The following MCTP2 variants were observed in gnomAD, a reference collection of about 807,000 sequenced individuals.
The protein encoded by MCTP2 is multiple C2 and transmembrane domain-containing protein 2.
A neutral mutation model predicts 111.6 loss-of-function variants in MCTP2; 132 were observed. That is an observed-to-expected ratio of 1.18 (90% CI 1.03 to 1.37). MCTP2 has a LOEUF of 1.37. Among genes scored for constraint, MCTP2 ranks in the 40% most tolerant of loss-of-function variants. MCTP2 has a pLI of 0.00. For synonymous variants in MCTP2, 395 were observed against 387.7 expected (o/e 1.02, Z -0.22); for missense variants, 1,183 against 1,067.9 (o/e 1.11, Z -1.50).
intron 4 of MCTP2, among the ~76,000 whole-genome samples, chr15:94,333,357 A>G (rs2077214151): frequency 6.6e-6 from 1 of 152,216 alleles, no homozygotes; most frequent in Non-Finnish European, 1.5e-5. Context: ...AATTTGAAGT[A>G]CATATCAGCT....
chr15:94,443,505 C>T (rs1030917160), intron 19 of MCTP2, among the ~76,000 whole-genome samples: 7 of 152,126 alleles, frequency 4.6e-5, no homozygotes, highest in African/African-American at 1.7e-4. Flanking sequence ...AGTGAAATGC[C>T]AAATGAGATG....
chr15:94,293,060 TTAAA>T (rs1265879238), intron 1 of MCTP2: 9 of 152,166 alleles, frequency 5.9e-5, no homozygotes, highest in East Asian at 3.9e-4. Context: ...TATACAAAAG[TTAAA>T]TAAATTATAA....
intron 1 of MCTP2, among the ~76,000 whole-genome samples, chr15:94,244,066 G>A (rs2071447445): frequency 6.9e-6 from 1 of 145,294 alleles, no homozygotes; most frequent in South Asian, 2.2e-4. Flanking sequence ...ACATACATAT[G>A]TGTATATATT....
At chr15:94,244,242 G>C (rs1328639561) in intron 1 of MCTP2, among the ~76,000 whole-genome samples, 2 of 102,098 alleles carry the variant, frequency 2.0e-5, no homozygotes, top group Admixed American at 8.8e-5. Context: ...ATATACACGT[G>C]TATACACATA....
intron 1 of MCTP2, among the ~76,000 whole-genome samples, chr15:94,275,573 A>G (rs2074147012): frequency 1.3e-5 from 2 of 151,398 alleles, no homozygotes; most frequent in South Asian, 2.1e-4. Flanking sequence ...TTTCTATTGC[A>G]TCATCTATTT....
intron 4 of MCTP2, among the ~76,000 whole-genome samples, chr15:94,327,413 T>C (rs2076932541): frequency 6.6e-6 from 1 of 152,260 alleles, no homozygotes; most frequent in Non-Finnish European, 1.5e-5. Flanking sequence ...ACAATTTCTC[T>C]TTGATTCCTA....
chr15:94,340,185 T>C lies in MCTP2; in HGVS notation c.781-14T>C. The C allele has an allele frequency of 6.3e-7, 1 of 1,591,690 alleles. No homozygotes were observed. Among genetic ancestry groups the C allele is most frequent in the Non-Finnish European group, 8.6e-7 (1 of 1,160,614 alleles). ...CCATAATAATGTGTTAATTGACCTC[T>C]GTCCTCTTTGTAGGTATATGATCGA... is the stretch of plus-strand genomic sequence containing the variant. On this transcript the variant is annotated splice_polypyrimidine_tract_variant and intron_variant, in intron 5 of 22. Coordinates refer to ENST00000357742, the MANE Select transcript of MCTP2 (RefSeq NM_001385001.1).
intron 17 of MCTP2, among the ~76,000 whole-genome samples, chr15:94,432,976 G>C (rs1434071045): frequency 1.3e-5 from 2 of 152,176 alleles, no homozygotes; most frequent in Admixed American, 1.3e-4. Context: ...ATTGGTTACA[G>C]ATCACTTCAT....
intron 4 of MCTP2, among the ~76,000 whole-genome samples, chr15:94,330,512 A>AT (rs71469323): frequency 0.026 from 3,971 of 150,840 alleles, 148 homozygotes; most frequent in African/African-American, 0.091. Flanking sequence ...CTCCTTTCTT[A>AT]TTTTTTTTTC....
At chr15:94,478,532 T>A (rs572463743) in intron 22 of MCTP2, among the ~76,000 whole-genome samples, 6 of 152,348 alleles carry the variant, frequency 3.9e-5, no homozygotes, top group African/African-American at 1.2e-4. Flanking sequence ...TTTTTTCCTC[T>A]CAGGCAAAGT....
chr15:94,423,821 A>G (rs2152495765), intron 17 of MCTP2, among the ~76,000 whole-genome samples: 1 of 152,352 alleles, frequency 6.6e-6, no homozygotes, highest in South Asian at 2.1e-4. Flanking sequence ...TGTAAGGGAA[A>G]GCAAATGTAA....
intron 14 of MCTP2, among the ~76,000 whole-genome samples, chr15:94,392,493 A>ATATATATTATG (rs1249032751): frequency 6.6e-6 from 1 of 152,042 alleles, no homozygotes; most frequent in Non-Finnish European, 1.5e-5. Flanking sequence ...TTGTCAAATG[A>ATATATATTATG]TATATATTAT....
At chr15:94,416,576 A>T (rs146738923) in intron 17 of MCTP2, among the ~76,000 whole-genome samples, 4 of 152,278 alleles carry the variant, frequency 2.6e-5, no homozygotes, top group African/African-American at 9.6e-5. Context: ...AAAATTAAAA[A>T]TTCAAACAAA....
intron 4 of MCTP2, among the ~76,000 whole-genome samples, chr15:94,329,472 A>C (rs558207108): frequency 1.3e-5 from 2 of 152,296 alleles, no homozygotes; most frequent in East Asian, 3.9e-4. Flanking sequence ...TGAGGAGCTT[A>C]GAATCATGGC....
At position 94,398,860 on chromosome 15, in the gene MCTP2, C is replaced by T. The variant is rs2081409232; in HGVS notation, c.1789-101C>T. The T allele has an allele frequency of 3.1e-6, 2 of 653,328 alleles. 1 individual carries two copies. Among genetic ancestry groups the T allele is most frequent in the Admixed American group, 5.0e-5 (2 of 39,934 alleles). 40.5% of individuals were successfully genotyped at this position (653,328 alleles called of 1,614,324 possible). A position where few individuals can be genotyped will look rare whatever the true frequency, so the allele number is the denominator to read the frequency against. ...CTTTAATGTTTGCTTCACCTGTGAT[C>T]ATTGTGCATCCCCAATTTTGCCAAA... On this transcript the variant is annotated intron_variant, in intron 14 of 22. Coordinates refer to ENST00000357742, the MANE Select transcript of MCTP2 (RefSeq NM_001385001.1).
chr15:94,232,300 A>G (rs1419365703), intron 1 of MCTP2, among the ~76,000 whole-genome samples: 5 of 152,162 alleles, frequency 3.3e-5, no homozygotes, highest in African/African-American at 9.7e-5. Context: ...TTGGGTTGCC[A>G]TAAAAGAGGT....
At chr15:94,398,728 T>C (rs2081403172) in intron 14 of MCTP2, among the ~76,000 whole-genome samples, 1 of 152,228 alleles carries the variant, frequency 6.6e-6, no homozygotes, top group Admixed American at 6.5e-5. Flanking sequence ...ATATTTTTCA[T>C]CCACACACCA....
At chr15:94,280,185 C>T (rs886150805) in intron 1 of MCTP2, among the ~76,000 whole-genome samples, 2 of 152,118 alleles carry the variant, frequency 1.3e-5, no homozygotes, top group Non-Finnish European at 2.9e-5. Flanking sequence ...CTTCCTTATG[C>T]ATCTGGTAGT....
At chr15:94,450,022 T>C (rs1257356788) in intron 19 of MCTP2, among the ~76,000 whole-genome samples, 2 of 152,118 alleles carry the variant, frequency 1.3e-5, no homozygotes, top group Non-Finnish European at 2.9e-5. Context: ...TCAGTTGTAT[T>C]TTGTGAGTAT....
Sources: allele counts gnomAD v4.1 joint callset (sites outside exome capture counted in the v4.1 genomes callset), GRCh38; gene constraint gnomAD v4.1.1; transcripts MANE v1.5; gene names NCBI Gene and HGNC (gene_info 2026-07-23, HGNC 2026-07-21).